The following USP6NL variants were observed in gnomAD, a reference collection of about 807,000 sequenced individuals.
USP6NL encodes the protein USP6 N-terminal-like protein.
A neutral mutation model predicts 61.9 loss-of-function variants in USP6NL; 26 were observed. That is an observed-to-expected ratio of 0.42 (90% CI 0.31 to 0.58). The LOEUF is 0.58. Ranked by LOEUF, USP6NL falls within the 20% of genes least tolerant of loss-of-function variation. The pLI, the probability that USP6NL is intolerant of heterozygous loss-of-function variation, is 0.16. For synonymous variants in USP6NL, 432 were observed against 390.1 expected (o/e 1.11, Z -1.27); for missense variants, 1,114 against 1,034.3 (o/e 1.08, Z -1.06).
chr10:11,469,054 C>T (rs1189515603), intron 14 of USP6NL, among the ~76,000 whole-genome samples: 1 of 152,178 alleles, frequency 6.6e-6, no homozygotes, highest in Admixed American at 6.5e-5. Context: ...ATAGTCTACA[C>T]ATCACACATC....
In USP6NL at chr10:11,542,189, C is replaced by G. The variant is rs929291846; in HGVS notation, c.5-14622G>C. On this transcript the variant is annotated intron_variant, in intron 2 of 14. Transcript: ENST00000609104. ...CTAATATTCATTAATTCAGAAAGTA[C>G]TGAACACCATTTACTGCCACTGCAC... is the stretch of plus-strand genomic sequence containing the variant. Among the ~76,000 whole-genome samples, 6 of 152,170 alleles carry G rather than the reference C, an allele frequency of 3.9e-5. No individual in the cohort carries two copies. In the South Asian group the frequency reaches 1.2e-3, roughly 32 times the overall value.
intron 2 of USP6NL, among the ~76,000 whole-genome samples, chr10:11,572,768 A>G (rs949105152): frequency 6.6e-6 from 1 of 152,112 alleles, no homozygotes; most frequent in East Asian, 1.9e-4. Flanking sequence ...AAAGGCTGAT[A>G]TATCAATTTA....
intron 2 of USP6NL, among the ~76,000 whole-genome samples, chr10:11,552,367 C>G (rs1179401493): frequency 6.6e-6 from 1 of 152,230 alleles, no homozygotes; most frequent in East Asian, 1.9e-4. Context: ...AGATACTACC[C>G]TAAGTCCTAC....
At position 11,591,128 on chromosome 10, in the gene USP6NL, C is replaced by G. The variant is rs1435053213; in HGVS notation, c.4+6503G>C. Among the ~76,000 whole-genome samples, 2 of 152,084 alleles carry G rather than the reference C, an allele frequency of 1.3e-5. No homozygotes were observed. Among genetic ancestry groups the G allele is most frequent in the East Asian group, 1.9e-4 (1 of 5,196 alleles). ...CACTTGCCATACATAACGTGGCTAC[C>G]AGCAGCAAAGCCAGGGTTCCACCTC... is the stretch of plus-strand genomic sequence containing the variant. On this transcript the variant is annotated intron_variant, in intron 2 of 14. Coordinates refer to ENST00000609104, the MANE Select transcript of USP6NL (RefSeq NM_014688.5). This position sits in a 1 kb window ranked among gnomAD's most constrained non-coding sequence, Gnocchi z 4.7.
chr10:11,519,746 T>G (rs1021144789), intron 4 of USP6NL, among the ~76,000 whole-genome samples: 2 of 152,246 alleles, frequency 1.3e-5, no homozygotes, highest in African/African-American at 4.8e-5. Context: ...AGTATATTTG[T>G]GATATCATCT....
rs1482443193 is a variant in USP6NL, at chr10:11,525,452, T to C, written c.89A>G (p.Glu30Gly). The change falls in exon 4 of 15, where the codon GAG (glutamate) becomes GGG (glycine). Residue 30 changes from glutamate to glycine, a missense_variant. Glu to Gly is a moderately conservative substitution (Grantham distance 98). Coordinates refer to ENST00000609104, the MANE Select transcript of USP6NL (RefSeq NM_014688.5). The surrounding 1 kb of genome is among the most constrained non-coding windows in gnomAD (Gnocchi z 5.0). ...AKYDRGREGA[E>G]IEPWEDADYL... ...ATCAGCATCTTCCCAAGGTTCAATC[T>C]CTGCACCTTCTCGTCCCTAAAATAA... 1 of 1,592,756 alleles carries C rather than the reference T, an allele frequency of 6.3e-7. No individual in the cohort carries two copies. The highest frequency in any genetic ancestry group is 8.5e-7 in the Non-Finnish European group (1 of 1,173,874).
At chr10:11,483,591 A>G (rs1833310930) in intron 13 of USP6NL, among the ~76,000 whole-genome samples, 1 of 20,098 alleles carries the variant, frequency 5.0e-5, no homozygotes, top group Non-Finnish European at 9.5e-5. Flanking sequence ...AGAGAGGGAG[A>G]GAGGGGGAGG....
rs530421816 is a variant in USP6NL at position 11,555,409 on chromosome 10, C to T, written c.5-27842G>A. Among the ~76,000 whole-genome samples the T allele has an allele frequency of 1.8e-3, 78 of 43,378 alleles. 1 individual carries two copies. The highest frequency in any genetic ancestry group is 6.4e-3 in the African/African-American group (77 of 12,072). 28.5% of individuals were successfully genotyped at this position (43,378 alleles called of 152,430 possible). ...CAGCCTGGGCAACAAGAGTGAAACT[C>T]GGTCTTAAAAAAAAAAAAAAAAAAA... On this transcript the variant is annotated intron_variant, in intron 2 of 14. Coordinates refer to ENST00000609104, the MANE Select transcript of USP6NL (RefSeq NM_014688.5).
chr10:11,499,031 C>T lies in USP6NL; in HGVS notation c.384+2070G>A, dbSNP rs563727053. 1.4e-4 allele frequency among the ~76,000 whole-genome samples: 22 copies of T among 152,306 alleles called. No individual in the cohort carries two copies. The highest frequency in any genetic ancestry group is 5.1e-4 in the African/African-American group (21 of 41,566). ...CTTTATGGGGACAAGAAAGGACAAA[C>T]AGGCCACCAGGGGAACTTGAAGGAC... On this transcript the variant is annotated intron_variant, in intron 7 of 14. Coordinates refer to ENST00000609104, the MANE Select transcript of USP6NL (RefSeq NM_014688.5). This position sits in a 1 kb window ranked among gnomAD's most constrained non-coding sequence, Gnocchi z 4.5.
rs2096223751 is a variant in USP6NL, at chr10:11,463,131, T to C, written c.1797A>G (p.Val599=). ...HAEPSSSPSK[V]SNKFTFKVQP... ...GTACTTTAAAAGTAAACTTGTTGGA[T>C]ACTTTTGATGGACTAGAACTTGGCT... is the stretch of plus-strand genomic sequence containing the variant. Residue 599 remains valine, a synonymous_variant, in exon 15 of 15, where the codon GTA becomes GTG. Transcript: ENST00000609104. This position sits in a 1 kb window ranked among gnomAD's most constrained non-coding sequence, Gnocchi z 6.3. 1.9e-6 allele frequency: 3 copies of C among 1,614,004 alleles called. No individual in the cohort carries two copies. Among genetic ancestry groups the C allele is most frequent in the Admixed American group, 3.3e-5 (2 of 60,032 alleles).
At position 11,575,636 on chromosome 10, in the gene USP6NL, A is replaced by T. The variant is rs1190841346; in HGVS notation, c.4+21995T>A. Among the ~76,000 whole-genome samples the T allele has an allele frequency of 6.6e-6, 1 of 152,194 alleles. No homozygotes were observed. Among genetic ancestry groups the T allele is most frequent in the Non-Finnish European group, 1.5e-5 (1 of 68,020 alleles). On this transcript the variant is annotated intron_variant, in intron 2 of 14. Coordinates refer to ENST00000609104, the MANE Select transcript of USP6NL (RefSeq NM_014688.5). The surrounding 1 kb of genome is among the most constrained non-coding windows in gnomAD (Gnocchi z 4.2). ...GTTTTGAAAATGAAAATCACATAGC[A>T]ATCACTTTGAACACATTGGTTCACT...
At chr10:11,508,137 GT>G (rs2133336910) in intron 6 of USP6NL, among the ~76,000 whole-genome samples, 1 of 152,118 alleles carries the variant, frequency 6.6e-6, no homozygotes, top group East Asian at 1.9e-4. Flanking sequence ...ACTCAGTTGT[GT>G]TTTGCTAGTA....
chr10:11,588,451 C>T (rs1474341384), intron 2 of USP6NL, among the ~76,000 whole-genome samples: 1 of 152,074 alleles, frequency 6.6e-6, no homozygotes, highest in Non-Finnish European at 1.5e-5. Flanking sequence ...GCAACCTACT[C>T]TCAAATTGTT....
Position 11,525,285 on chromosome 10 carries a change from T to C in USP6NL, c.155+101A>G. The C allele has an allele frequency of 1.1e-6, 1 of 947,902 alleles. No individual in the cohort carries two copies. Among genetic ancestry groups the C allele is most frequent in the Non-Finnish European group, 1.6e-6 (1 of 644,566 alleles). The allele number at this position is 947,902 out of a possible 1,614,324, so 58.7% of individuals were successfully genotyped here. A position where few individuals can be genotyped will look rare whatever the true frequency, so the allele number is the denominator to read the frequency against. Reference sequence around the variant, plus strand: ...AAAACGCATATTGTAAGACTATTCCTTATTCACAGCAATTATATTAAAAAT... The same window carrying C: ...AAAACGCATATTGTAAGACTATTCCCTATTCACAGCAATTATATTAAAAAT... On this transcript the variant is annotated intron_variant, in intron 4 of 14. Transcript: ENST00000609104. The surrounding 1 kb of genome is among the most constrained non-coding windows in gnomAD (Gnocchi z 5.0).
chr10:11,563,272 T>C (rs1277698903), intron 2 of USP6NL: 1 of 152,158 alleles, frequency 6.6e-6, no homozygotes, highest in Non-Finnish European at 1.5e-5. Context: ...GTTAGGGAAG[T>C]GCAGGGAGGT....
intron 2 of USP6NL, among the ~76,000 whole-genome samples, chr10:11,579,985 A>G (rs1654371480): frequency 6.7e-6 from 1 of 148,320 alleles, no homozygotes; most frequent in Non-Finnish European, 1.5e-5. Flanking sequence ...AGCAACGTCT[A>G]AAGACACTTT....
rs1008500252 is a variant in USP6NL, at chr10:11,468,634, C to T, written c.1079-4785G>A. On this transcript the variant is annotated intron_variant, in intron 14 of 14. Coordinates refer to ENST00000609104, the MANE Select transcript of USP6NL (RefSeq NM_014688.5). This position sits in a 1 kb window ranked among gnomAD's most constrained non-coding sequence, Gnocchi z 4.5. The stretch of plus-strand genomic sequence containing the variant: ...TGGTGCAGGAAACAATAAACTGTAG[C>T]GTGGGAGTGGAGGGGAGGAGGTGTG... Among the ~76,000 whole-genome samples the T allele has an allele frequency of 2.0e-5, 3 of 152,090 alleles. No individual in the cohort carries two copies. The highest frequency in any genetic ancestry group is 2.9e-5 in the Non-Finnish European group (2 of 68,000).
Position 11,481,577 on chromosome 10 carries a change from A to G in USP6NL, c.1078+193T>C, listed in dbSNP as rs1833201272. On this transcript the variant is annotated intron_variant, in intron 14 of 14. Transcript: ENST00000609104. This position sits in a 1 kb window ranked among gnomAD's most constrained non-coding sequence, Gnocchi z 4.4. ...GTCATCTATTAGGAGAGGCAGATTT[A>G]ATTAATATGTTTATTTGCCTTTCCC... 6.6e-6 allele frequency among the ~76,000 whole-genome samples: 1 copy of G among 152,218 alleles called. No homozygotes were observed. The highest frequency in any genetic ancestry group is 1.5e-5 in the Non-Finnish European group (1 of 68,042).
chr10:11,545,994 A>C (rs1181638400), intron 2 of USP6NL, among the ~76,000 whole-genome samples: 1 of 152,212 alleles, frequency 6.6e-6, no homozygotes, highest in Non-Finnish European at 1.5e-5. Context: ...TTACATTACT[A>C]TCCTTGTGAA....
Sources: gnomAD v4.1 joint callset for allele counts (sites outside exome capture counted in the v4.1 genomes callset) on GRCh38, gnomAD v4.1.1 for gene constraint, Gnocchi (gnomAD v3.1) non-coding constraint, MANE v1.5 for transcripts, NCBI Gene and HGNC (gene_info 2026-07-23, HGNC 2026-07-21) for gene names.